The following CPLX4 variants were observed in gnomAD, a reference collection of about 807,000 sequenced individuals.
The protein encoded by CPLX4 is complexin-4.
CPLX4 carries 17 observed loss-of-function variants against 16.1 expected under a neutral mutation model. The ratio of observed to expected loss-of-function variants is 1.06; its 90% CI spans 0.72 to 1.59. The LOEUF is 1.59. Ranked by LOEUF, CPLX4 falls within the 40% of genes most tolerant of loss-of-function variation. The probability of loss-of-function intolerance (pLI) is 0.00; values close to 1 mark genes in which losing one functional copy is unlikely to be tolerated. For missense variants in CPLX4, 193 were observed against 192.9 expected, an observed-to-expected ratio of 1.00 and a Z score of 0.00; for synonymous variants, 55 against 57.8, an observed-to-expected ratio of 0.95 and a Z score of 0.22.
chr18:59,300,713 T>C (rs929950600), intron 2 of CPLX4, among the ~76,000 whole-genome samples: 3 of 152,218 alleles, frequency 2.0e-5, no homozygotes, highest in Admixed American at 1.3e-4. Flanking sequence ...GTAGTAGCTA[T>C]TCATAAAAAT....
rs532546124 is a variant in CPLX4, at chr18:59,297,105, T to A, written c.256-180A>T. Among the ~76,000 whole-genome samples the A allele has an allele frequency of 2.6e-5, 4 of 152,150 alleles. No homozygotes were observed. The East Asian group carries it at 7.7e-4, about 29-fold the overall frequency. On this transcript the variant is annotated intron_variant, in intron 2 of 2. Transcript: ENST00000299721. Reference sequence around the variant, plus strand: ...GTGGGGGCTTCTGTAGGGGGGTCCTTTCTTCATGGCACCTTGCGTCGATCA... The same window carrying A: ...GTGGGGGCTTCTGTAGGGGGGTCCTATCTTCATGGCACCTTGCGTCGATCA...
chr18:59,302,911 T>C (rs764029674), intron 2 of CPLX4, among the ~76,000 whole-genome samples: 2 of 152,230 alleles, frequency 1.3e-5, no homozygotes, highest in Non-Finnish European at 2.9e-5. Flanking sequence ...TGATTGATAT[T>C]AGGTAGATTT....
chr18:59,314,650 C>G (rs1379778429), intron 1 of CPLX4, among the ~76,000 whole-genome samples: 2 of 152,184 alleles, frequency 1.3e-5, no homozygotes, highest in African/African-American at 2.4e-5. Flanking sequence ...TCCCCCATCC[C>G]CATTCCTGAT....
In CPLX4 at chr18:59,295,745, G is replaced by A. The variant is rs933997612; in HGVS notation, c.*953C>T. 1.3e-5 allele frequency: 2 copies of A among 151,682 alleles called. No homozygotes were observed. The highest frequency in any genetic ancestry group is 2.4e-5 in the African/African-American group (1 of 41,298). 9.4% of individuals were successfully genotyped at this position (151,682 alleles called of 1,614,324 possible). A position where few individuals can be genotyped will look rare whatever the true frequency, so the allele number is the denominator to read the frequency against. The stretch of plus-strand genomic sequence containing the variant: ...AAAGCTTGTGGCACCAAATGACAGT[G>A]TGATTTACTGGAAGGTAGTCTAAAG... On this transcript the variant is annotated 3_prime_UTR_variant, in exon 3 of 3. Coordinates refer to ENST00000299721, the MANE Select transcript of CPLX4 (RefSeq NM_181654.4).
intron 2 of CPLX4, among the ~76,000 whole-genome samples, chr18:59,303,956 G>A (rs924552284): frequency 1.3e-5 from 2 of 152,202 alleles, no homozygotes; most frequent in South Asian, 2.1e-4. Flanking sequence ...AGGAGGTTTC[G>A]GTGTCTCAGA....
At position 59,295,549 on chromosome 18, in the gene CPLX4, C is replaced by T. The variant is rs957810079; in HGVS notation, c.*1149G>A. Reference sequence around the variant, plus strand: ...TTTTCCTTTGATAGATCTTTATTCACTGTATGAACAGAGTCACCAAAAAAA... The same window carrying T: ...TTTTCCTTTGATAGATCTTTATTCATTGTATGAACAGAGTCACCAAAAAAA... On this transcript the variant is annotated 3_prime_UTR_variant, in exon 3 of 3. Coordinates refer to ENST00000299721, the MANE Select transcript of CPLX4 (RefSeq NM_181654.4). 2.1e-5 allele frequency: 3 copies of T among 145,246 alleles called. No homozygotes were observed. Among genetic ancestry groups the T allele is most frequent in the African/African-American group, 7.7e-5 (3 of 38,984 alleles). The allele number at this position is 145,246 out of a possible 1,614,324, so 9.0% of individuals were successfully genotyped here.
intron 2 of CPLX4, among the ~76,000 whole-genome samples, chr18:59,305,701 G>A (rs1398849828): frequency 6.6e-6 from 1 of 152,172 alleles, no homozygotes; most frequent in Admixed American, 6.5e-5. Context: ...AAAGGTGGCT[G>A]CAGTTATGAA....
chr18:59,315,216 G>A (rs116562192), intron 1 of CPLX4, among the ~76,000 whole-genome samples: 118 of 152,212 alleles, frequency 7.8e-4, no homozygotes, highest in African/African-American at 2.7e-3. Flanking sequence ...AGCCATACTG[G>A]TGTTTATGGA....
Position 59,312,703 on chromosome 18 carries a change from T to C in CPLX4, c.237A>G (p.Glu79=). 1 of 1,370,402 alleles carries C rather than the reference T, an allele frequency of 7.3e-7. No homozygotes were observed. Among genetic ancestry groups the C allele is most frequent in the Non-Finnish European group, 1.0e-6 (1 of 957,512 alleles). The allele number at this position is 1,370,402 out of a possible 1,614,324, so 84.9% of individuals were successfully genotyped here. ...ERACLRVHLR[E]KYRLPKSEMD... is the part of the protein sequence containing the mutation. ...GTCTTACCTTTGGGAGCCTGTATTT[T>C]TCTCTGAGATGAACTCTGAGGCATG... The change falls in exon 2 of 3, where the codon GAA becomes GAG. Residue 79 remains glutamate, a synonymous_variant. Coordinates refer to ENST00000299721, the MANE Select transcript of CPLX4 (RefSeq NM_181654.4).
In CPLX4 at chr18:59,310,054, T is replaced by C. The variant is rs1020380356; in HGVS notation, c.255+2631A>G. ...AAATGACGCAGTGGTATGAGATTATTAGATGAGCTTTATGGTCTCTTTCAT... is the reference window on the plus strand; with the variant it reads ...AAATGACGCAGTGGTATGAGATTATCAGATGAGCTTTATGGTCTCTTTCAT... On this transcript the variant is annotated intron_variant, in intron 2 of 2. Transcript: ENST00000299721. Among the ~76,000 whole-genome samples the C allele has an allele frequency of 3.9e-5, 6 of 152,160 alleles. No homozygotes were observed. The South Asian group carries it at 1.2e-3, about 32-fold the overall frequency.
intron 2 of CPLX4, among the ~76,000 whole-genome samples, chr18:59,298,097 T>A (rs623522): frequency 0.24 from 34,224 of 140,490 alleles, 4,122 homozygotes; most frequent in African/African-American, 0.37. Context: ...TCCTTTATTT[T>A]TTTTTTTTTT....
chr18:59,306,120 G>A (rs535971320), intron 2 of CPLX4, among the ~76,000 whole-genome samples: 1 of 152,206 alleles, frequency 6.6e-6, no homozygotes, highest in East Asian at 1.9e-4. Flanking sequence ...CACCTAAAAA[G>A]CCATGTTTAC....
At chr18:59,306,355 C>T (rs561953043) in intron 2 of CPLX4, among the ~76,000 whole-genome samples, 28 of 152,250 alleles carry the variant, frequency 1.8e-4, no homozygotes, top group African/African-American at 3.9e-4. Flanking sequence ...TATGTGTACA[C>T]GAACATTATA....
chr18:59,311,595 CT>C (rs969797475), intron 2 of CPLX4, among the ~76,000 whole-genome samples: 1 of 152,070 alleles, frequency 6.6e-6, no homozygotes, highest in African/African-American at 2.4e-5. Flanking sequence ...TTGGAGGGAT[CT>C]TTTACTTTGG....
At chr18:59,301,972 G>C (rs2070544716) in intron 2 of CPLX4, among the ~76,000 whole-genome samples, 1 of 152,236 alleles carries the variant, frequency 6.6e-6, no homozygotes, top group Non-Finnish European at 1.5e-5. Flanking sequence ...GAATATTTTA[G>C]AGGAAAGAGG....
chr18:59,302,774 C>A (rs561527487), intron 2 of CPLX4, among the ~76,000 whole-genome samples: 4 of 152,194 alleles, frequency 2.6e-5, no homozygotes, highest in African/African-American at 9.7e-5. Flanking sequence ...ATAAACTGGA[C>A]TTCTCTTTTA....
At chr18:59,308,618 C>T (rs2070594530) in intron 2 of CPLX4, among the ~76,000 whole-genome samples, 2 of 151,756 alleles carry the variant, frequency 1.3e-5, no homozygotes, top group Admixed American at 6.6e-5. Context: ...ACCCGCAGCC[C>T]GGGTTCCGCC....
At chr18:59,305,885 A>C (rs1404856415) in intron 2 of CPLX4, among the ~76,000 whole-genome samples, 9 of 152,228 alleles carry the variant, frequency 5.9e-5, no homozygotes, top group Admixed American at 3.3e-4. Context: ...AGACAGAGAA[A>C]GATAACTCAT....
chr18:59,297,896 C>A (rs756037538), intron 2 of CPLX4, among the ~76,000 whole-genome samples: 1 of 152,204 alleles, frequency 6.6e-6, no homozygotes, highest in Non-Finnish European at 1.5e-5. Flanking sequence ...CCGTTAGCAC[C>A]TGGACTGGAG....
Sources: gnomAD v4.1 joint callset for allele counts (sites outside exome capture counted in the v4.1 genomes callset) on GRCh38, gnomAD v4.1.1 for gene constraint, MANE v1.5 for transcripts, NCBI Gene and HGNC (gene_info 2026-07-23, HGNC 2026-07-21) for gene names.